The following OASL variants were observed in gnomAD, a reference collection of about 807,000 sequenced individuals.
OASL encodes 2'-5'-oligoadenylate synthetase like.
Under a neutral mutation model 35.3 loss-of-function variants are expected in OASL, and 28 were observed. That is an observed-to-expected ratio of 0.79 (90% confidence interval 0.59 to 1.09). The LOEUF is 1.09. Among genes scored for constraint, OASL ranks in the 50% least tolerant of loss-of-function variants. The probability of loss-of-function intolerance (pLI) is 0.00; values close to 1 mark genes in which losing one functional copy is unlikely to be tolerated. For missense variants in OASL, 620 were observed against 635.2 expected (o/e 0.98, Z 0.26); for synonymous variants, 252 against 254.6 (o/e 0.99, Z 0.10).
intron 1 of OASL, among the ~76,000 whole-genome samples, chr12:121,036,974 G>A (rs1472620408): frequency 6.6e-6 from 1 of 152,188 alleles, no homozygotes; most frequent in African/African-American, 2.4e-5. Context: ...AAACCACACA[G>A]CTGGTAAAGG....
exon 5 of OASL, chr12:121,024,125 C>A: frequency 6.2e-7 from 1 of 1,614,024 alleles, no homozygotes; most frequent in Non-Finnish European, 8.5e-7. Context: ...CGGCCGGATC[C>A]AGGATGATGG....
chr12:121,027,798 G>A (rs1475841293), exon 4 of OASL: 2 of 1,613,930 alleles, frequency 1.2e-6, no homozygotes, highest in South Asian at 2.2e-5. Context: ...ATTGGCTCTG[G>A]GGGACCTGGC....
At chr12:121,019,771 G>A (rs550844386) in exon 6 of OASL, 1 of 152,350 alleles carries the variant, frequency 6.6e-6, no homozygotes, top group South Asian at 2.1e-4. Flanking sequence ...TTTAAAGACA[G>A]GCAGGAAAAT....
exon 6 of OASL, chr12:121,020,211 G>A (rs1869172531): frequency 9.4e-6 from 2 of 211,664 alleles, no homozygotes; most frequent in South Asian, 1.7e-4. Flanking sequence ...ACAGCTCACT[G>A]CAGCTTCAGC....
At chr12:121,027,621 T>C (rs745414060) in exon 4 of OASL, 3 of 1,614,186 alleles carry the variant, frequency 1.9e-6, no homozygotes, top group East Asian at 2.2e-5. Context: ...AATGATTGCA[T>C]TGTGGAGTGT....
At position 121,033,330 on chromosome 12, in the gene OASL, C is replaced by T. The variant is rs190450121; in HGVS notation, c.481+131G>A. 22 of 892,624 alleles carry T rather than the reference C, an allele frequency of 2.5e-5. No homozygotes were observed. In the African/African-American group the frequency reaches 3.5e-4, roughly 14 times the overall value. The allele number at this position is 892,624 out of a possible 1,614,324, so 55.3% of individuals were successfully genotyped here. ...AATCCTGTGCACTGCAATAACCCAG[C>T]CCCAAGCATAGGACACAGATGAAAT... On this transcript the variant is annotated intron_variant, in intron 2 of 5. Transcript: ENST00000257570.
exon 6 of OASL, chr12:121,019,157 CACCT>C (rs1278029117): frequency 6.6e-6 from 1 of 152,092 alleles, no homozygotes; most frequent in Non-Finnish European, 1.5e-5. Context: ...ATTTTCCCAC[CACCT>C]ACAATGTGGG....
At chr12:121,035,543 A>ACAACAAC (rs398070196) in intron 1 of OASL, among the ~76,000 whole-genome samples, 1 of 105,834 alleles carries the variant, frequency 9.4e-6, no homozygotes, top group Non-Finnish European at 2.2e-5. Context: ...AAAACAACAA[A>ACAACAAC]AAAAAACGCC....
chr12:121,039,082 C>T, exon 1 of OASL: 1 of 876,358 alleles, frequency 1.1e-6, no homozygotes, highest in South Asian at 1.6e-5. Context: ...CCCTCCAGTG[C>T]TCTGTGGGAG....
chr12:121,027,681 T>C (rs1869545962), exon 4 of OASL: 2 of 1,614,202 alleles, frequency 1.2e-6, no homozygotes, highest in Non-Finnish European at 1.7e-6. Context: ...CAGGAGCAGG[T>C]CCATCACAGT....
intron 5 of OASL, among the ~76,000 whole-genome samples, chr12:121,022,274 A>G (rs1869275524): frequency 6.6e-6 from 1 of 151,978 alleles, no homozygotes; most frequent in African/African-American, 2.4e-5. Context: ...TTTAGTAGAG[A>G]TGAGGTTTTA....
At chr12:121,028,601 C>T (rs1190393071) in intron 3 of OASL, among the ~76,000 whole-genome samples, 1 of 152,062 alleles carries the variant, frequency 6.6e-6, no homozygotes, top group Non-Finnish European at 1.5e-5. Context: ...AGTGCCCTCA[C>T]CAGTGCCTGA....
At chr12:121,018,415 C>CATG (rs1376884919), downstream of OASL, among the ~76,000 whole-genome samples, 1 of 151,926 alleles carries the variant, frequency 6.6e-6, no homozygotes, top group Non-Finnish European at 1.5e-5. Context: ...CTTGCTGACA[C>CATG]ATGCTGCTGG....
chr12:121,025,129 C>T (rs977367781), intron 4 of OASL, among the ~76,000 whole-genome samples: 1 of 151,978 alleles, frequency 6.6e-6, no homozygotes, highest in Admixed American at 6.6e-5. Flanking sequence ...AGGTACCCGC[C>T]ACCACGCCCA....
chr12:121,033,742 A>G, exon 2 of OASL: 1 of 1,611,520 alleles, frequency 6.2e-7, no homozygotes, highest in Non-Finnish European at 8.5e-7. Context: ...GAAGGAGCCC[A>G]CCTGCAGAAC....
At chr12:121,037,820 G>A (rs1870015954) in intron 1 of OASL, among the ~76,000 whole-genome samples, 1 of 142,350 alleles carries the variant, frequency 7.0e-6, no homozygotes, top group African/African-American at 2.6e-5. Flanking sequence ...GGCCAGACAT[G>A]GTGGCTCACA....
exon 6 of OASL, chr12:121,019,116 T>G (rs552650884): frequency 6.6e-6 from 1 of 152,266 alleles, no homozygotes; most frequent in African/African-American, 2.4e-5. Flanking sequence ...AGACATTGCA[T>G]TTTTCATTCT....
chr12:121,029,389 A>T (rs1869635816), intron 3 of OASL, among the ~76,000 whole-genome samples: 1 of 152,170 alleles, frequency 6.6e-6, no homozygotes, highest in Non-Finnish European at 1.5e-5. Flanking sequence ...TCAATTTTGA[A>T]TTAAAATGTA....
chr12:121,020,265 C>G, exon 6 of OASL: 2 of 263,894 alleles, frequency 7.6e-6, no homozygotes, highest in Admixed American at 4.9e-5. Context: ...TCTTGAGTGC[C>G]TGAGACTACA....
Sources: allele counts gnomAD v4.1 joint callset (sites outside exome capture counted in the v4.1 genomes callset), GRCh38; gene constraint gnomAD v4.1.1; transcripts MANE v1.5; gene names NCBI Gene and HGNC (gene_info 2026-07-23, HGNC 2026-07-21).